Variants in GCLC observed in about 807,000 individuals in gnomAD.
GCLC encodes the protein glutamate-cysteine ligase catalytic subunit.
In GCLC, 30 loss-of-function variants were observed where a neutral mutation model predicts 81.5. That is an observed-to-expected ratio of 0.37 (90% CI 0.28 to 0.50). GCLC has a LOEUF of 0.50. Ranked by LOEUF, GCLC falls within the 20% of genes least tolerant of loss-of-function variation. The pLI, the probability that GCLC is intolerant of heterozygous loss-of-function variation, is 0.96. For missense variants in GCLC, 556 were observed against 777.4 expected (o/e 0.72, Z 3.39); for synonymous variants, 262 against 273.3 (o/e 0.96, Z 0.41).
chr6:53,524,873 AGCC>A (rs1215885511), intron 1 of GCLC, among the ~76,000 whole-genome samples: 1 of 152,230 alleles, frequency 6.6e-6, no homozygotes, highest in East Asian at 1.9e-4. Context: ...ATTCACTCTT[AGCC>A]CACAAGTTTA....
intron 3 of GCLC, among the ~76,000 whole-genome samples, chr6:53,517,349 A>T (rs1762893256): frequency 6.9e-6 from 1 of 144,188 alleles, no homozygotes; most frequent in South Asian, 2.2e-4. Context: ...CTTCTGCCTC[A>T]GCCTCCTAAA....
intron 6 of GCLC, among the ~76,000 whole-genome samples, chr6:53,512,781 A>G (rs10484784): frequency 1.3e-5 from 2 of 152,236 alleles, no homozygotes; most frequent in South Asian, 2.1e-4. Context: ...AGTGGAAAGA[A>G]TATCCCTTTG....
At chr6:53,499,124 G>C (rs1182082864) in intron 15 of GCLC, among the ~76,000 whole-genome samples, 157 bp from the exon 16 acceptor site, 1 of 152,154 alleles carries the variant, frequency 6.6e-6, no homozygotes. Context: ...ATCTTTCATA[G>C]CGTTTGAAGA....
At position 53,518,235 on chromosome 6, in the gene GCLC, T is replaced by C. The variant is rs185474875; in HGVS notation, c.447-2013A>G. 2.6e-3 allele frequency among the ~76,000 whole-genome samples: 403 copies of C among 152,236 alleles called. 2 individuals are homozygous for C. The highest frequency in any genetic ancestry group is 3.8e-3 in the Non-Finnish European group (256 of 68,014). ...TTCCCTTCACAATGACTTAAGATGC[T>C]GAATCTTTTTATTTTTATTTATTTA... On this transcript the variant is annotated intron_variant, in intron 3 of 15. Transcript: ENST00000650454.
intron 1 of GCLC, among the ~76,000 whole-genome samples, chr6:53,540,643 G>A (rs1386771064): frequency 1.4e-5 from 2 of 147,394 alleles, no homozygotes; most frequent in Non-Finnish European, 3.0e-5. Flanking sequence ...TGTTAAGGAG[G>A]TAGAGCTCAT....
intron 3 of GCLC, 142 bp from the exon 4 acceptor site, chr6:53,516,364 T>C (rs1481695400): frequency 1.5e-6 from 1 of 675,178 alleles, no homozygotes; most frequent in Non-Finnish European, 2.7e-6. Flanking sequence ...AAAACAGATG[T>C]TGTGTAAATA....
rs3830798 is a variant in GCLC, at chr6:53,544,653, C to CCCTCCTCCT, written c.-17_-9dup. The CCCTCCTCCT allele has an allele frequency of 4.4e-3, 6,894 of 1,550,782 alleles. 94 individuals are homozygous for CCCTCCTCCT. The African/African-American group carries it at 0.052, about 12-fold the overall frequency. On this transcript the variant is annotated 5_prime_UTR_variant, in exon 1 of 16. Coordinates refer to ENST00000650454, the MANE Select transcript of GCLC (RefSeq NM_001498.4). ...CTGGGACAGCAGCCCCATGGCCGCC[C>CCCTCCTCCT]CCTCCTCCTCCTCCTCCTCCTCCGG...
At chr6:53,532,788 C>G (rs1763194748) in intron 1 of GCLC, among the ~76,000 whole-genome samples, 1 of 151,854 alleles carries the variant, frequency 6.6e-6, no homozygotes, top group Non-Finnish European at 1.5e-5. Context: ...GGGACAAAGA[C>G]AACAGGGGGT....
rs1271339467 is a variant in GCLC, at chr6:53,508,704, A to G, written c.836T>C (p.Leu279Ser). Residue 279 changes from leucine (L) to serine (S), a missense_variant, in exon 8 of 16, where the codon TTG becomes TCG. Transcript: ENST00000650454. The stretch of plus-strand genomic sequence containing the variant: ...TCGGTAAAAGGGAGATGCAGCACTC[A>G]AAGCCATCTAAAAACAAACAAAAGT... Reference protein sequence around the residue: ...LATICPIVMALSAASPFYRGY... With the variant: ...LATICPIVMASSAASPFYRGY... The G allele has an allele frequency of 6.2e-7, 1 of 1,609,242 alleles. No individual in the cohort carries two copies. The highest frequency in any genetic ancestry group is 1.1e-5 in the South Asian group (1 of 91,024).
chr6:53,514,399 C>G (rs368558914), intron 5 of GCLC, 40 bp downstream of exon 5: 3 of 1,592,464 alleles, frequency 1.9e-6, no homozygotes, highest in Non-Finnish European at 2.6e-6. Flanking sequence ...AACAATACAA[C>G]ATGTCTCTCT....
chr6:53,521,181 G>A (rs1762984944), intron 2 of GCLC, among the ~76,000 whole-genome samples: 2 of 152,098 alleles, frequency 1.3e-5, no homozygotes, highest in African/African-American at 4.8e-5. Context: ...TTGAGACAGA[G>A]TCTCGCTCTG....
Position 53,506,985 on chromosome 6 carries a change from A to G in GCLC, c.1125T>C (p.Phe375=). 1.9e-6 allele frequency: 3 copies of G among 1,611,592 alleles called. No homozygotes were observed. The highest frequency in any genetic ancestry group is 2.5e-6 in the Non-Finnish European group (3 of 1,177,700). Residue 375 remains phenylalanine (F), a synonymous_variant, in exon 10 of 16, where the codon TTT becomes TTC. Coordinates refer to ENST00000650454, the MANE Select transcript of GCLC (RefSeq NM_001498.4). The surrounding 1 kb of genome is among the most constrained non-coding windows in gnomAD (Gnocchi z 4.0). The stretch of plus-strand genomic sequence containing the variant: ...CAAACAGTGTCAGTGGGTCTCTAAT[A>G]AAGAGATGAGCAACATGCTGGGCCA... ...HLLAQHVAHL[F]IRDPLTLFEE...
At chr6:53,539,112 G>A (rs1347834870) in intron 1 of GCLC, among the ~76,000 whole-genome samples, 1 of 152,170 alleles carries the variant, frequency 6.6e-6, no homozygotes, top group Non-Finnish European at 1.5e-5. Context: ...TCCCAGATCT[G>A]TCTTTTAATG....
chr6:53,524,469 A>G (rs1291355042), intron 1 of GCLC, among the ~76,000 whole-genome samples: 2 of 152,228 alleles, frequency 1.3e-5, no homozygotes, highest in South Asian at 2.1e-4. Context: ...TCCTAACATT[A>G]TATCATGGAA....
intron 6 of GCLC, among the ~76,000 whole-genome samples, chr6:53,511,921 T>C (rs1395768252): frequency 2.3e-5 from 3 of 133,206 alleles, no homozygotes; most frequent in Non-Finnish European, 4.9e-5. Flanking sequence ...TGGGAGGGGC[T>C]ACCATAACCT....
intron 11 of GCLC, 90 bp from the exon 12 acceptor site, chr6:53,505,586 C>A: frequency 1.3e-6 from 1 of 798,658 alleles, no homozygotes; most frequent in Non-Finnish European, 2.2e-6. Context: ...CATGTCATTC[C>A]CAAGCCATCT....
intron 1 of GCLC, among the ~76,000 whole-genome samples, chr6:53,534,494 A>T (rs1420282456): frequency 6.6e-6 from 1 of 152,130 alleles, no homozygotes; most frequent in Non-Finnish European, 1.5e-5. Context: ...CAAAAAAAAA[A>T]AAGAGAGAGG....
chr6:53,516,225 A>G lies in GCLC; in HGVS notation c.447-3T>C, dbSNP rs368905821. On this transcript the variant is annotated splice_polypyrimidine_tract_variant and splice_region_variant and intron_variant, in intron 3 of 15. Coordinates refer to ENST00000650454, the MANE Select transcript of GCLC (RefSeq NM_001498.4). Reference sequence around the variant, plus strand: ...GTGTGAACCCAGGACAGCCTAATCTACAACAAATTGAAGAACTAAATAGAT... The same window carrying G: ...GTGTGAACCCAGGACAGCCTAATCTGCAACAAATTGAAGAACTAAATAGAT... The G allele has an allele frequency of 4.3e-5, 67 of 1,571,376 alleles. No homozygotes were observed. In the African/African-American group the frequency reaches 7.7e-4, roughly 18 times the overall value.
chr6:53,537,159 G>A (rs908618215), intron 1 of GCLC, among the ~76,000 whole-genome samples: 1 of 152,094 alleles, frequency 6.6e-6, no homozygotes, highest in African/African-American at 2.4e-5. Context: ...ACTCTTTAAG[G>A]CAGTTTCTCA....
Sources: gnomAD v4.1 joint callset for allele counts (sites outside exome capture counted in the v4.1 genomes callset) on GRCh38, gnomAD v4.1.1 for gene constraint, Gnocchi (gnomAD v3.1) non-coding constraint, MANE v1.5 for transcripts, NCBI Gene and HGNC (gene_info 2026-07-23, HGNC 2026-07-21) for gene names.